The following NREP variants were observed in gnomAD, a reference collection of about 807,000 sequenced individuals.
The protein encoded by NREP is neuronal regeneration-related protein.
In NREP, 5 loss-of-function variants were observed where a neutral mutation model predicts 8.6. That is an observed-to-expected ratio of 0.58 (90% CI 0.30 to 1.22). NREP has a LOEUF of 1.22. Ranked by LOEUF, NREP falls within the 50% of genes most tolerant of loss-of-function variation. NREP has a pLI of 0.07. For missense variants in NREP, 86 were observed against 82.5 expected (o/e 1.04, Z -0.17); for synonymous variants, 27 against 28.0 (o/e 0.96, Z 0.11).
At chr5:111,830,119 G>T (rs1752728631) in intron 2 of NREP, among the ~76,000 whole-genome samples, 1 of 152,116 alleles carries the variant, frequency 6.6e-6, no homozygotes, top group Admixed American at 6.5e-5. Flanking sequence ...ACACAACTTT[G>T]TCAACTTTCT....
intron 2 of NREP, among the ~76,000 whole-genome samples, chr5:111,837,173 A>G (rs1752915719): frequency 6.6e-6 from 1 of 152,112 alleles, no homozygotes; most frequent in African/African-American, 2.4e-5. Context: ...CTGACTCTAA[A>G]CAGAAGATCC....
At chr5:111,962,550 G>A (rs1473574947) in intron 2 of NREP, among the ~76,000 whole-genome samples, 2 of 152,046 alleles carry the variant, frequency 1.3e-5, no homozygotes, top group Non-Finnish European at 2.9e-5. Context: ...AGGCAGACAG[G>A]GGCAGGTCCC....
chr5:111,756,224 T>C (rs1282190760), intron 1 of NREP: 1 of 1,003,644 alleles, frequency 1.0e-6, no homozygotes, highest in Non-Finnish European at 1.2e-6. Context: ...GAATCAGCCT[T>C]CCACCGTGTA....
At chr5:111,822,345 G>T (rs1450991336) in intron 2 of NREP, among the ~76,000 whole-genome samples, 1 of 152,190 alleles carries the variant, frequency 6.6e-6, no homozygotes, top group Non-Finnish European at 1.5e-5. Flanking sequence ...CTAGAAATCA[G>T]TGACAGAGAC....
chr5:111,855,151 A>G (rs1309295600), intron 2 of NREP, among the ~76,000 whole-genome samples: 1 of 152,156 alleles, frequency 6.6e-6, no homozygotes, highest in Non-Finnish European at 1.5e-5. Context: ...GAAAGTGTCT[A>G]TGCCAAATTG....
intron 2 of NREP, among the ~76,000 whole-genome samples, chr5:111,969,915 G>C (rs1487676404): frequency 6.6e-6 from 1 of 152,200 alleles, no homozygotes; most frequent in Non-Finnish European, 1.5e-5. Flanking sequence ...CCATTCTCAA[G>C]AATTGTGGAG....
At chr5:111,780,689 C>A (rs1316118208) in intron 2 of NREP, among the ~76,000 whole-genome samples, 5 of 152,110 alleles carry the variant, frequency 3.3e-5, no homozygotes, top group African/African-American at 9.7e-5. Context: ...TTAGACAATT[C>A]ACTAATGAAA....
At chr5:111,865,568 A>T (rs2112487798) in intron 2 of NREP, among the ~76,000 whole-genome samples, 1 of 152,334 alleles carries the variant, frequency 6.6e-6, no homozygotes, top group Admixed American at 6.5e-5. Flanking sequence ...ACATGACATT[A>T]TGATGGCACT....
At chr5:111,744,402 C>T (rs971781099) in intron 2 of NREP, among the ~76,000 whole-genome samples, 5 of 151,950 alleles carry the variant, frequency 3.3e-5, no homozygotes, top group African/African-American at 1.2e-4. Flanking sequence ...GTACAGAATT[C>T]TTATCTGGTA....
At chr5:111,964,855 C>CAAAAAAAAAAAAAAAAAAAAAAAAAAAAA (rs58877839) in intron 2 of NREP, among the ~76,000 whole-genome samples, 11 of 44,878 alleles carry the variant, frequency 2.5e-4, no homozygotes, top group African/African-American at 4.5e-4. Context: ...CTTTCAGCAG[C>CAAAAAAAAAAAAAAAAAAAAAAAAAAAAA]AAAAAAAAAA....
At chr5:111,932,744 G>T (rs1755576213) in intron 2 of NREP, among the ~76,000 whole-genome samples, 1 of 151,996 alleles carries the variant, frequency 6.6e-6, no homozygotes, top group Non-Finnish European at 1.5e-5. Flanking sequence ...GCATGCCTCT[G>T]CCAACTAAAA....
chr5:111,913,283 AT>A (rs1754964429), intron 2 of NREP, among the ~76,000 whole-genome samples: 1 of 152,110 alleles, frequency 6.6e-6, no homozygotes, highest in African/African-American at 2.4e-5. Flanking sequence ...GCACTACTTC[AT>A]TTTAAAAGCG....
At chr5:111,782,859 C>T (rs537329671) in intron 2 of NREP, among the ~76,000 whole-genome samples, 6 of 151,966 alleles carry the variant, frequency 3.9e-5, no homozygotes, top group South Asian at 2.1e-4. Flanking sequence ...CTCAGTCTCC[C>T]GAGTAGCTGT....
At chr5:111,946,333 C>A (rs1755982245) in intron 2 of NREP, among the ~76,000 whole-genome samples, 1 of 151,866 alleles carries the variant, frequency 6.6e-6, no homozygotes, top group African/African-American at 2.4e-5. Context: ...TCACAAATGG[C>A]AAATGTTTGA....
intron 2 of NREP, among the ~76,000 whole-genome samples, chr5:111,766,035 C>G (rs567917715): frequency 7.2e-5 from 11 of 152,192 alleles, no homozygotes; most frequent in African/African-American, 2.6e-4. Flanking sequence ...CTGAGGTTCC[C>G]TCTCCCCACT....
At chr5:111,779,849 T>G (rs1751451778) in intron 2 of NREP, among the ~76,000 whole-genome samples, 1 of 152,236 alleles carries the variant, frequency 6.6e-6, no homozygotes, top group Non-Finnish European at 1.5e-5. Flanking sequence ...ATAGCTTACC[T>G]ATTAAATGGG....
intron 2 of NREP, among the ~76,000 whole-genome samples, chr5:111,862,509 T>C (rs745830372): frequency 6.6e-6 from 1 of 151,612 alleles, no homozygotes; most frequent in African/African-American, 2.4e-5. Flanking sequence ...TATTGGGAGG[T>C]TGAGGGATGT....
chr5:111,758,182 C>T, upstream of NREP: 1 of 985,608 alleles, frequency 1.0e-6, no homozygotes, highest in South Asian at 4.7e-5. Context: ...GGGGAGCGCC[C>T]CTGAAGGCCG....
At chr5:111,909,631 G>C (rs766422353) in intron 2 of NREP, among the ~76,000 whole-genome samples, 8 of 152,048 alleles carry the variant, frequency 5.3e-5, no homozygotes, top group Non-Finnish European at 1.2e-4. Context: ...AGAGAGAACA[G>C]ATACTTGAAC....
Sources: allele counts gnomAD v4.1 joint callset (sites outside exome capture counted in the v4.1 genomes callset), GRCh38; gene constraint gnomAD v4.1.1; transcripts MANE v1.5; gene names NCBI Gene and HGNC (gene_info 2026-07-23, HGNC 2026-07-21).